The following NRIP1 variants were observed in gnomAD, a reference collection of about 807,000 sequenced individuals.
NRIP1 encodes nuclear receptor-interacting protein 1.
In NRIP1, 28 loss-of-function variants were observed where a neutral mutation model predicts 75.0. That is an observed-to-expected ratio of 0.37 (90% CI 0.28 to 0.51). The LOEUF is 0.51. NRIP1 is among the 20% of genes least tolerant of loss of function. The pLI, the probability that NRIP1 is intolerant of heterozygous loss-of-function variation, is 0.92. For synonymous variants in NRIP1, 526 were observed against 487.6 expected (o/e 1.08, Z -1.04); for missense variants, 1,435 against 1,343.7 (o/e 1.07, Z -1.06).
intron 1 of NRIP1, among the ~76,000 whole-genome samples, chr21:15,043,780 T>A (rs1174223837): frequency 6.6e-6 from 1 of 152,190 alleles, no homozygotes; most frequent in African/African-American, 2.4e-5. Flanking sequence ...CAGCTTTCAT[T>A]ACAGAATTAT....
intron 2 of NRIP1, among the ~76,000 whole-genome samples, chr21:15,038,916 T>C (rs2088893265): frequency 6.6e-6 from 1 of 152,136 alleles, no homozygotes; most frequent in Non-Finnish European, 1.5e-5. Context: ...ACAGAAATTC[T>C]TGCCTTCAGG....
chr21:15,043,880 G>A lies in NRIP1; in HGVS notation c.-537-306C>T, dbSNP rs757034434. ...GTCACCCAGGCTGGAGTGCAGTGGC[G>A]TGATCTCGGCTCACTGCAACCTCCG... On this transcript the variant is annotated intron_variant, in intron 1 of 3. Transcript: ENST00000318948. Among the ~76,000 whole-genome samples, 5 of 152,088 alleles carry A rather than the reference G, an allele frequency of 3.3e-5. No homozygotes were observed. The South Asian group carries it at 6.2e-4, about 19-fold the overall frequency.
rs537984340 is a variant in NRIP1 at position 14,991,407 on chromosome 21, A to C, written c.-334-22881T>G. 4 of 151,698 alleles carry C rather than the reference A, an allele frequency of 2.6e-5. No homozygotes were observed. The South Asian group carries it at 8.4e-4, about 32-fold the overall frequency. 9.4% of individuals were successfully genotyped at this position (151,698 alleles called of 1,614,324 possible). On this transcript the variant is annotated intron_variant, in intron 3 of 3. Coordinates refer to ENST00000318948, the MANE Select transcript of NRIP1 (RefSeq NM_003489.4). ...AGAAAGCTCAACAAGATCCTCTTTGAGATTCTACTGCATTTTCCTGGGCTT... is the reference window on the plus strand; with the variant it reads ...AGAAAGCTCAACAAGATCCTCTTTGCGATTCTACTGCATTTTCCTGGGCTT...
chr21:15,053,431 G>A (rs966493744), intron 1 of NRIP1, among the ~76,000 whole-genome samples: 1 of 152,118 alleles, frequency 6.6e-6, no homozygotes. Flanking sequence ...TCATTGCAAA[G>A]GATAATAGTG....
At chr21:15,030,626 T>C (rs568411457) in intron 2 of NRIP1, among the ~76,000 whole-genome samples, 2 of 152,340 alleles carry the variant, frequency 1.3e-5, no homozygotes, top group African/African-American at 4.8e-5. Context: ...ATAAGTTAAA[T>C]GGTAAAATTA....
intron 2 of NRIP1, among the ~76,000 whole-genome samples, chr21:15,022,240 A>G (rs983753462): frequency 1.3e-5 from 2 of 152,238 alleles, no homozygotes; most frequent in Non-Finnish European, 2.9e-5. Context: ...TGTCCTTTGC[A>G]GGGACATGGA....
At chr21:15,023,435 G>A (rs2088428035) in intron 2 of NRIP1, among the ~76,000 whole-genome samples, 1 of 151,988 alleles carries the variant, frequency 6.6e-6, no homozygotes, top group African/African-American at 2.4e-5. Flanking sequence ...TTGTACACCA[G>A]TAACAAACAG....
intron 1 of NRIP1, among the ~76,000 whole-genome samples, chr21:15,054,083 A>G (rs1267565407): frequency 6.6e-6 from 1 of 152,208 alleles, no homozygotes. Context: ...CAGGAAATTC[A>G]CCTTCAGTGA....
chr21:14,967,487 A>G lies in NRIP1; in HGVS notation c.706T>C (p.Cys236Arg). The change falls in exon 4 of 4, where the codon TGT becomes CGT. Residue 236 changes from cysteine to arginine, a missense_variant. Transcript: ENST00000318948. ...GCAACAGCCTGTAATCTTGCAGCACATGACAACGGTTCACTCATGACCTTT... is the reference window on the plus strand; with the variant it reads ...GCAACAGCCTGTAATCTTGCAGCACGTGACAACGGTTCACTCATGACCTTT... ...GTKVMSEPLS[C>R]AARLQAVASM... 1.9e-6 allele frequency: 3 copies of G among 1,614,154 alleles called. 1 individual carries two copies. Among genetic ancestry groups the G allele is most frequent in the Non-Finnish European group, 2.5e-6 (3 of 1,180,014 alleles).
intron 3 of NRIP1, among the ~76,000 whole-genome samples, chr21:15,011,395 C>T (rs879286306): frequency 6.6e-6 from 1 of 152,146 alleles, no homozygotes; most frequent in Non-Finnish European, 1.5e-5. Flanking sequence ...TTCACCGTGT[C>T]AGCCAGGATG....
chr21:15,064,183 G>C (rs1443954217), intron 1 of NRIP1, among the ~76,000 whole-genome samples: 1 of 152,270 alleles, frequency 6.6e-6, no homozygotes, highest in Non-Finnish European at 1.5e-5. Context: ...CCTCGGGTCC[G>C]TGAGCCTCGC....
chr21:14,994,823 G>C (rs553712140), intron 3 of NRIP1, among the ~76,000 whole-genome samples: 1 of 152,040 alleles, frequency 6.6e-6, no homozygotes, highest in Non-Finnish European at 1.5e-5. Context: ...ATTTAACAGG[G>C]CTGTAAAAAA....
At chr21:14,978,783 C>G (rs2146999937) in intron 3 of NRIP1, among the ~76,000 whole-genome samples, 1 of 152,232 alleles carries the variant, frequency 6.6e-6, no homozygotes, top group South Asian at 2.1e-4. Context: ...ATCTTAAAAA[C>G]ATTTAATTTT....
intron 2 of NRIP1, among the ~76,000 whole-genome samples, chr21:15,024,600 G>C (rs1444384440): frequency 6.8e-6 from 1 of 146,532 alleles, no homozygotes; most frequent in Non-Finnish European, 1.5e-5. Flanking sequence ...GTGTGTGTCT[G>C]TGTGTGTGTG....
chr21:14,976,452 T>A (rs543336691), intron 3 of NRIP1, among the ~76,000 whole-genome samples: 4 of 152,274 alleles, frequency 2.6e-5, no homozygotes, highest in East Asian at 1.9e-4. Flanking sequence ...TACTTTTTTT[T>A]ATAAGTATCT....
chr21:15,031,951 C>A (rs191235127), intron 2 of NRIP1, among the ~76,000 whole-genome samples: 23 of 151,910 alleles, frequency 1.5e-4, no homozygotes, highest in Admixed American at 1.2e-3. Flanking sequence ...TCAAAGGACA[C>A]CACATTCCCT....
chr21:15,063,966 A>G (rs1050581730), intron 1 of NRIP1, among the ~76,000 whole-genome samples: 1 of 152,218 alleles, frequency 6.6e-6, no homozygotes. Context: ...CTTCTGACTG[A>G]ACACCAACTC....
chr21:15,007,511 T>C (rs1483260097), intron 3 of NRIP1, among the ~76,000 whole-genome samples: 2 of 152,302 alleles, frequency 1.3e-5, no homozygotes, highest in African/African-American at 2.4e-5. Context: ...TTCTACAAAG[T>C]TTCAAAAAAG....
chr21:14,976,039 C>G (rs1315156385), intron 3 of NRIP1, among the ~76,000 whole-genome samples: 1 of 152,028 alleles, frequency 6.6e-6, no homozygotes, highest in African/African-American at 2.4e-5. Flanking sequence ...TTTAAAAAAG[C>G]ATTTGAAAAC....
Sources: gnomAD v4.1 joint callset for allele counts (sites outside exome capture counted in the v4.1 genomes callset) on GRCh38, gnomAD v4.1.1 for gene constraint, MANE v1.5 for transcripts, NCBI Gene and HGNC (gene_info 2026-07-23, HGNC 2026-07-21) for gene names.